Variants in IL1RAPL1 observed in about 807,000 individuals in gnomAD.
The protein encoded by IL1RAPL1 is interleukin 1 receptor accessory protein like 1, also known as interleukin-1 receptor accessory protein-like 1.
IL1RAPL1 carries 3 observed loss-of-function variants against 48.4 expected under a neutral mutation model. The ratio of observed to expected loss-of-function variants is 0.06; its 90% CI spans 0.03 to 0.16. IL1RAPL1 has a LOEUF of 0.16. IL1RAPL1 is among the 10% of genes least tolerant of loss of function. IL1RAPL1 has a pLI of 1.00. For missense variants in IL1RAPL1, 349 were observed against 530.6 expected (o/e 0.66, Z 3.36); for synonymous variants, 185 against 187.7 (o/e 0.99, Z 0.12).
intron 5 of IL1RAPL1, among the ~76,000 whole-genome samples, chrX:29,645,072 TC>T (rs1156954043): frequency 1.8e-5 from 2 of 112,878 alleles, no homozygotes; most frequent in Non-Finnish European, 3.7e-5. Flanking sequence ...TTAGATATTT[TC>T]CCCAGAGATG....
intron 6 of IL1RAPL1, among the ~76,000 whole-genome samples, chrX:29,802,832 T>TATGTGTAC (rs1569172888): frequency 7.0e-4 from 53 of 76,078 alleles, no homozygotes; most frequent in Non-Finnish European, 1.1e-3. Context: ...TATGTATACA[T>TATGTGTAC]ATATGTATAC....
intron 2 of IL1RAPL1, among the ~76,000 whole-genome samples, chrX:29,180,477 A>G (rs1368092295): frequency 9.1e-6 from 1 of 109,507 alleles, no homozygotes; most frequent in Non-Finnish European, 1.9e-5. Flanking sequence ...CCCGGGTTCA[A>G]GCAATTCTCC....
chrX:29,259,002 C>G (rs746865738), intron 2 of IL1RAPL1, among the ~76,000 whole-genome samples: 2 of 111,310 alleles, frequency 1.8e-5, no homozygotes, highest in South Asian at 3.7e-4. Context: ...CTCCCCAACT[C>G]TAACCTCATA....
At chrX:28,743,082 T>G (rs1935930483) in intron 1 of IL1RAPL1, among the ~76,000 whole-genome samples, 1 of 111,648 alleles carries the variant, frequency 9.0e-6, no homozygotes, top group Non-Finnish European at 1.9e-5. Context: ...TATCCTTAAT[T>G]TAACTTTCAA....
chrX:29,546,881 A>G (rs1921641683), intron 5 of IL1RAPL1, among the ~76,000 whole-genome samples: 1 of 112,004 alleles, frequency 8.9e-6, no homozygotes, highest in Non-Finnish European at 1.9e-5. Context: ...ATTTTATATC[A>G]TTCATCTAGC....
chrX:29,737,516 T>G (rs1928080413), intron 6 of IL1RAPL1, among the ~76,000 whole-genome samples: 1 of 112,004 alleles, frequency 8.9e-6, no homozygotes, highest in Non-Finnish European at 1.9e-5. Flanking sequence ...ACTTTTATCC[T>G]ATAATAGGGT....
intron 5 of IL1RAPL1, among the ~76,000 whole-genome samples, chrX:29,509,220 GC>G (rs771211648): frequency 1.5e-3 from 169 of 112,191 alleles, no homozygotes; most frequent in Non-Finnish European, 2.8e-3. Flanking sequence ...AACTGAAGCT[GC>G]AGTCTACAGA....
intron 3 of IL1RAPL1, among the ~76,000 whole-genome samples, chrX:29,314,049 G>T (rs767067418): frequency 9.0e-6 from 1 of 111,636 alleles, no homozygotes; most frequent in South Asian, 3.7e-4. Context: ...ATTCATTCGC[G>T]ATTGTGGGAT....
intron 2 of IL1RAPL1, among the ~76,000 whole-genome samples, chrX:29,086,228 A>G (rs1226468802): frequency 8.9e-6 from 1 of 112,587 alleles, no homozygotes; most frequent in East Asian, 2.8e-4. Flanking sequence ...TTTCAGCTCC[A>G]ACATTGTGAG....
intron 5 of IL1RAPL1, among the ~76,000 whole-genome samples, chrX:29,473,201 A>G (rs1934939443): frequency 9.0e-6 from 1 of 111,613 alleles, no homozygotes; most frequent in Non-Finnish European, 1.9e-5. Context: ...TCTTCCCTCT[A>G]TGTGTGTCTC....
At chrX:29,427,085 C>A (rs139917524) in intron 5 of IL1RAPL1, among the ~76,000 whole-genome samples, 1,554 of 110,511 alleles carry the variant, frequency 0.014, 24 homozygotes, top group African/African-American at 0.049. Context: ...TCTATTATTT[C>A]TCATTTGTGT....
At chrX:29,485,846 C>T (rs752771579) in intron 5 of IL1RAPL1, among the ~76,000 whole-genome samples, 2 of 111,118 alleles carry the variant, frequency 1.8e-5, no homozygotes, top group Non-Finnish European at 3.8e-5. Context: ...CAGGCCCTGG[C>T]GACTCAAAGT....
chrX:29,465,087 C>T (rs961794428), intron 5 of IL1RAPL1, among the ~76,000 whole-genome samples: 1 of 111,672 alleles, frequency 9.0e-6, no homozygotes, highest in Non-Finnish European at 1.9e-5. Flanking sequence ...AAGTTGAATT[C>T]AATTTAATTT....
chrX:29,476,944 A>G (rs1194260849), intron 5 of IL1RAPL1, among the ~76,000 whole-genome samples: 2 of 84,725 alleles, frequency 2.4e-5, no homozygotes, highest in Non-Finnish European at 4.3e-5. Flanking sequence ...GCAGTGGCGC[A>G]ATCTCGGCTC....
intron 5 of IL1RAPL1, among the ~76,000 whole-genome samples, chrX:29,526,586 A>G (rs1026728991): frequency 1.3e-4 from 15 of 112,068 alleles, no homozygotes; most frequent in Non-Finnish European, 1.9e-5. Flanking sequence ...TTGACAGACA[A>G]AATTCGACAG....
chrX:29,301,601 T>G (rs1234838372), intron 3 of IL1RAPL1, among the ~76,000 whole-genome samples: 1 of 111,864 alleles, frequency 8.9e-6, no homozygotes, highest in Non-Finnish European at 1.9e-5. Context: ...TCAACTGAAA[T>G]GTTATCTTCC....
At chrX:29,146,607 A>G (rs1373569862) in intron 2 of IL1RAPL1, among the ~76,000 whole-genome samples, 1 of 112,275 alleles carries the variant, frequency 8.9e-6, no homozygotes, top group Admixed American at 9.5e-5. Flanking sequence ...AATATTGCCT[A>G]GAGTAAGTCC....
intron 5 of IL1RAPL1, among the ~76,000 whole-genome samples, chrX:29,630,695 T>C (rs1924747755): frequency 9.0e-6 from 1 of 110,522 alleles, no homozygotes; most frequent in South Asian, 3.9e-4. Context: ...CCCACCACCA[T>C]GCCCAGCTAA....
intron 8 of IL1RAPL1, among the ~76,000 whole-genome samples, chrX:29,936,141 A>G (rs1241312780): frequency 9.2e-6 from 1 of 109,157 alleles, no homozygotes; most frequent in Non-Finnish European, 1.9e-5. Flanking sequence ...ACACTGATGT[A>G]TTGTAGAACT....
Sources: allele counts gnomAD v4.1 joint callset (sites outside exome capture counted in the v4.1 genomes callset), GRCh38; gene constraint gnomAD v4.1.1; transcripts MANE v1.5; gene names NCBI Gene and HGNC (gene_info 2026-07-23, HGNC 2026-07-21).